Variants in ADAM19 observed in about 807,000 individuals in gnomAD.
The protein encoded by ADAM19 is disintegrin and metalloproteinase domain-containing protein 19.
A neutral mutation model predicts 114.7 loss-of-function variants in ADAM19; 65 were observed. The observed-to-expected ratio is 0.57, with a 90% CI of 0.46 to 0.70. The LOEUF is 0.70. Among genes scored for constraint, ADAM19 ranks in the 30% least tolerant of loss-of-function variants. The pLI, the probability that ADAM19 is intolerant of heterozygous loss-of-function variation, is 0.00. For synonymous variants in ADAM19, 466 were observed against 460.5 expected (o/e 1.01, Z -0.15); for missense variants, 1,063 against 1,204.7 (o/e 0.88, Z 1.74).
chr5:157,570,803 G>C, intron 2 of ADAM19, 92 bp downstream of exon 2: 3 of 1,105,018 alleles, frequency 2.7e-6, no homozygotes, highest in Non-Finnish European at 4.0e-6. Context: ...CAGAACTAAT[G>C]GTGATGACTG....
rs577256277 is a variant in ADAM19, at chr5:157,507,136, T to C, written c.910A>G (p.Met304Val). 7.4e-6 allele frequency: 12 copies of C among 1,613,918 alleles called. No individual in the cohort carries two copies. Among genetic ancestry groups the C allele is most frequent in the Admixed American group, 5.0e-5 (3 of 60,016 alleles). Residue 304 changes from methionine (M) to valine (V), a missense_variant, in exon 10 of 23, where the codon ATG becomes GTG. Coordinates refer to ENST00000257527, the MANE Select transcript of ADAM19 (RefSeq NM_033274.5). ...CCGATGGTGGTGCCGTGGAAGGACA[T>C]GCCCCTGCAGGAGGCAAGGAGAGAC... ...YHDNAQLITG[M>V]SFHGTTIGLA...
At chr5:157,558,199 G>A (rs570056130) in intron 3 of ADAM19, among the ~76,000 whole-genome samples, 2 of 152,306 alleles carry the variant, frequency 1.3e-5, no homozygotes, top group African/African-American at 4.8e-5. Flanking sequence ...GGTTAAACCA[G>A]TTCTTCATAC....
At chr5:157,539,047 G>A (rs537841058) in intron 3 of ADAM19, among the ~76,000 whole-genome samples, 5 of 151,826 alleles carry the variant, frequency 3.3e-5, no homozygotes, top group Admixed American at 6.6e-5. Flanking sequence ...TGCCTAGCTG[G>A]GAGGCTGAGG....
At chr5:157,566,693 C>T (rs1228018344) in intron 2 of ADAM19, 1 of 152,122 alleles carries the variant, frequency 6.6e-6, no homozygotes, top group Admixed American at 6.5e-5. Context: ...AAGGAACTGA[C>T]AACTTTTTTT....
intron 22 of ADAM19, 56 bp downstream of exon 22, chr5:157,481,734 GC>G: frequency 6.4e-7 from 1 of 1,552,300 alleles, no homozygotes; most frequent in Non-Finnish European, 8.7e-7. Context: ...CTCTACACCT[GC>G]CCCCCTGGAG....
intron 7 of ADAM19, among the ~76,000 whole-genome samples, chr5:157,514,619 G>A (rs1043621553): frequency 1.8e-4 from 27 of 152,122 alleles, no homozygotes; most frequent in Admixed American, 4.6e-4. Flanking sequence ...GAGCCACTGC[G>A]CCTGGCCGTA....
chr5:157,536,354 G>T (rs564457189), intron 4 of ADAM19, among the ~76,000 whole-genome samples: 3 of 151,852 alleles, frequency 2.0e-5, no homozygotes, highest in Admixed American at 6.6e-5. Context: ...TTAGCCGGGC[G>T]CAGTGGATCA....
At position 157,524,873 on chromosome 5, in the gene ADAM19, C is replaced by T. The variant is rs115297449; in HGVS notation, c.408-4842G>A. Among the ~76,000 whole-genome samples, 999 of 152,302 alleles carry T rather than the reference C, an allele frequency of 6.6e-3. 12 individuals are homozygous for T. Among genetic ancestry groups the T allele is most frequent in the African/African-American group, 0.023 (955 of 41,552 alleles). ...AGCAGCATTTTAAAAGAACAGCTAA[C>T]GGTCATTGATTGTGTATTATACATC... is the stretch of plus-strand genomic sequence containing the variant. On this transcript the variant is annotated intron_variant, in intron 5 of 22. Coordinates refer to ENST00000257527, the MANE Select transcript of ADAM19 (RefSeq NM_033274.5).
rs1754625455 is a variant in ADAM19 at position 157,477,308 on chromosome 5, A to G, written c.*3641T>C. 2 of 1,002,416 alleles carry G rather than the reference A, an allele frequency of 2.0e-6. No homozygotes were observed. The highest frequency in any genetic ancestry group is 2.4e-6 in the Non-Finnish European group (2 of 839,254). The allele number at this position is 1,002,416 out of a possible 1,614,324, so 62.1% of individuals were successfully genotyped here. A position where few individuals can be genotyped will look rare whatever the true frequency, so the allele number is the denominator to read the frequency against. ...ATAAAGAGCTGCCAAACCAGATAAC[A>G]TTGCAAATGACAAACAATTCATTTT... is the stretch of plus-strand genomic sequence containing the variant. On this transcript the variant is annotated 3_prime_UTR_variant, in exon 23 of 23. Coordinates refer to ENST00000257527, the MANE Select transcript of ADAM19 (RefSeq NM_033274.5).
rs757730505 is a variant in ADAM19 at position 157,518,867 on chromosome 5, A to G, written c.622T>C (p.Ser208Pro). 3.1e-6 allele frequency: 5 copies of G among 1,614,006 alleles called. No homozygotes were observed. In the Admixed American group the frequency reaches 8.3e-5, roughly 27 times the overall value. The change falls in exon 7 of 23, where the codon TCC (serine) becomes CCC (proline). Residue 208 changes from serine to proline, a missense_variant. Coordinates refer to ENST00000257527, the MANE Select transcript of ADAM19 (RefSeq NM_033274.5). ...PRRMKREDLNSMKYVELYLVA... is the reference protein window; with the variant it reads ...PRRMKREDLNPMKYVELYLVA... ...AGGTAAAGCTCCACATACTTCATGG[A>G]GTTTAAATCTTCCCTTTTCATCTAA... is the stretch of plus-strand genomic sequence containing the variant.
At chr5:157,563,553 C>CAGG (rs1345488567) in intron 3 of ADAM19, among the ~76,000 whole-genome samples, 4 of 152,176 alleles carry the variant, frequency 2.6e-5, no homozygotes, top group Admixed American at 2.6e-4. Flanking sequence ...CAAGAGGAGA[C>CAGG]AGGCAGCTCT....
At chr5:157,557,228 CAG>C (rs1317737104) in intron 3 of ADAM19, among the ~76,000 whole-genome samples, 3 of 152,128 alleles carry the variant, frequency 2.0e-5, no homozygotes, top group Non-Finnish European at 4.4e-5. Flanking sequence ...ACTATGAATA[CAG>C]ATGAAGAAGT....
chr5:157,533,563 A>C (rs186715965), intron 4 of ADAM19, among the ~76,000 whole-genome samples: 10 of 152,236 alleles, frequency 6.6e-5, no homozygotes, highest in Admixed American at 2.6e-4. Context: ...TCATGGGGAG[A>C]AGAGGGGCCG....
At chr5:157,488,029 G>A (rs201419295) in intron 21 of ADAM19, among the ~76,000 whole-genome samples, 4 of 152,174 alleles carry the variant, frequency 2.6e-5, no homozygotes, top group Non-Finnish European at 5.9e-5. Flanking sequence ...GTAGTGGCTT[G>A]TCATAAAATA....
At chr5:157,504,012 C>G (rs796512712) in intron 11 of ADAM19, among the ~76,000 whole-genome samples, 12 of 152,346 alleles carry the variant, frequency 7.9e-5, no homozygotes, top group African/African-American at 2.9e-4. Flanking sequence ...CTCCAAGAAA[C>G]TGGAGCTTTT....
intron 8 of ADAM19, among the ~76,000 whole-genome samples, chr5:157,510,077 AT>A (rs1364033247): frequency 1.3e-5 from 2 of 152,204 alleles, no homozygotes; most frequent in Non-Finnish European, 2.9e-5. Context: ...TCTCTTGTAT[AT>A]AGATTTTTTA....
chr5:157,496,790 G>C, intron 14 of ADAM19, 104 bp downstream of exon 14: 1 of 997,024 alleles, frequency 1.0e-6, no homozygotes, highest in Non-Finnish European at 1.4e-6. Flanking sequence ...GTAGTATCTA[G>C]AGGTGCCATT....
chr5:157,499,705 A>G, intron 12 of ADAM19, 43 bp from the exon 13 acceptor site: 1 of 1,339,254 alleles, frequency 7.5e-7, no homozygotes, highest in Non-Finnish European at 1.0e-6. Context: ...GAGGGCCTTC[A>G]CCACCCCCAA....
intron 8 of ADAM19, among the ~76,000 whole-genome samples, chr5:157,509,952 A>G (rs115147627): frequency 0.012 from 1,761 of 152,370 alleles, 46 homozygotes; most frequent in African/African-American, 0.04. Context: ...GAGATAGCTC[A>G]GAGCTGAGCT....
Sources: allele counts gnomAD v4.1 joint callset (sites outside exome capture counted in the v4.1 genomes callset), GRCh38; gene constraint gnomAD v4.1.1; transcripts MANE v1.5; gene names NCBI Gene and HGNC (gene_info 2026-07-23, HGNC 2026-07-21).